The following LUZP1 variants were observed in gnomAD, a reference collection of about 807,000 sequenced individuals.
LUZP1 encodes the protein leucine zipper protein 1.
In LUZP1, 25 loss-of-function variants were observed where a neutral mutation model predicts 71.3. The observed-to-expected ratio is 0.35, with a 90% CI of 0.26 to 0.49. The LOEUF is 0.49. LUZP1 is among the 20% of genes least tolerant of loss of function. LUZP1 has a pLI of 0.99. For missense variants in LUZP1, 1,142 were observed against 1,300.8 expected (o/e 0.88, Z 1.88); for synonymous variants, 481 against 506.4 (o/e 0.95, Z 0.67).
chr1:23,176,797 A>T (rs1259282169), intron 1 of LUZP1, among the ~76,000 whole-genome samples: 1 of 152,194 alleles, frequency 6.6e-6, no homozygotes, highest in Non-Finnish European at 1.5e-5. Context: ...TATTCTCAAG[A>T]GGCTATAGAC....
In LUZP1 at chr1:23,094,324, G is replaced by A. The variant is rs1365766055; in HGVS notation, c.-63C>T. The A allele has an allele frequency of 6.0e-6, 9 of 1,511,600 alleles. No individual in the cohort carries two copies. Among genetic ancestry groups the A allele is most frequent in the Non-Finnish European group, 7.1e-6 (8 of 1,133,786 alleles). The allele number at this position is 1,511,600 out of a possible 1,614,324, so 93.6% of individuals were successfully genotyped here. A position where few individuals can be genotyped will look rare whatever the true frequency, so the allele number is the denominator to read the frequency against. ...AATTCCACTCAAGGGGATGAGAAAT[G>A]GTTACCTTTCTCTTGGCAACCACAA... On this transcript the variant is annotated 5_prime_UTR_variant, in exon 4 of 5. Transcript: ENST00000302291. The surrounding 1 kb of genome is among the most constrained non-coding windows in gnomAD (Gnocchi z 4.7).
intron 3 of LUZP1, among the ~76,000 whole-genome samples, chr1:23,104,562 C>T (rs1043661310): frequency 3.9e-5 from 6 of 152,240 alleles, no homozygotes; most frequent in African/African-American, 1.4e-4. Context: ...AATGCACCAT[C>T]CTAAATTCTG....
At chr1:23,092,514 T>G (rs1643867069) in exon 4 of LUZP1, 1 of 1,614,046 alleles carries the variant, frequency 6.2e-7, no homozygotes, top group Non-Finnish European at 8.5e-7. Flanking sequence ...ATTGGCAGCC[T>G]TTTTGCCTTT....
intron 2 of LUZP1, among the ~76,000 whole-genome samples, chr1:23,114,720 T>G (rs896539438): frequency 2.0e-5 from 3 of 152,192 alleles, no homozygotes; most frequent in African/African-American, 7.2e-5. Flanking sequence ...CTTTTCTGAC[T>G]AAAGCGGGAA....
chr1:23,124,143 G>C (rs958727595), intron 2 of LUZP1, among the ~76,000 whole-genome samples: 13 of 152,180 alleles, frequency 8.5e-5, no homozygotes, highest in African/African-American at 2.9e-4. Flanking sequence ...CTGTGAGCAA[G>C]AGCAAATGGA....
rs36097785 is a variant in LUZP1 at position 23,163,237 on chromosome 1, CAAAAAAAAAAA to C, written c.-226+5518_-226+5528del. On this transcript the variant is annotated intron_variant, in intron 2 of 4. Transcript: ENST00000302291. ...CCTGGGTGACAGGGTGAGACTCTCT[CAAAAAAAAAAA>C]AAAAAAAAAAGCATGTTGGGGCCAG... Among the ~76,000 whole-genome samples, 56 of 45,174 alleles carry C rather than the reference CAAAAAAAAAAA, an allele frequency of 1.2e-3. 2 individuals are homozygous for C. The Admixed American group carries it at 0.013, about 11-fold the overall frequency. The allele number at this position is 45,174 out of a possible 152,430, so 29.6% of individuals were successfully genotyped here.
At chr1:23,112,634 C>T (rs1446170099) in intron 2 of LUZP1, among the ~76,000 whole-genome samples, 2 of 152,194 alleles carry the variant, frequency 1.3e-5, no homozygotes, top group African/African-American at 2.4e-5. Flanking sequence ...CTGAAGTGAA[C>T]AAGGGCTGGC....
At chr1:23,103,878 G>GGGGGGGAA (rs1557641216) in intron 3 of LUZP1, among the ~76,000 whole-genome samples, 2 of 11,144 alleles carry the variant, frequency 1.8e-4, no homozygotes, top group African/African-American at 8.2e-4. Context: ...GAGGGAGGGA[G>GGGGGGGAA]GGAGAGAGGG....
intron 3 of LUZP1, among the ~76,000 whole-genome samples, chr1:23,098,756 G>C (rs1643909880): frequency 6.6e-6 from 1 of 152,180 alleles, no homozygotes; most frequent in African/African-American, 2.4e-5. Flanking sequence ...GCCACCACTG[G>C]AGAGGGAAGA....
At chr1:23,087,997 T>C (rs1241478896) in exon 5 of LUZP1, 3 of 152,686 alleles carry the variant, frequency 2.0e-5, no homozygotes, top group Non-Finnish European at 4.4e-5. Flanking sequence ...GCTTTCCCTC[T>C]TGCTGGGCAC....
chr1:23,090,771 C>G, intron 4 of LUZP1: 1 of 682,640 alleles, frequency 1.5e-6, no homozygotes, highest in South Asian at 1.6e-5. Context: ...GACCTGGCTC[C>G]CCCTCACTGT....
At chr1:23,089,988 G>A (rs1376764360) in intron 4 of LUZP1, among the ~76,000 whole-genome samples, 1 of 152,146 alleles carries the variant, frequency 6.6e-6, no homozygotes, top group African/African-American at 2.4e-5. Context: ...TTGAACTCCT[G>A]ACCTTGTGAT....
rs1175265258 is a variant in LUZP1 at position 23,094,848 on chromosome 1, A to T, written c.-119-468T>A. Among the ~76,000 whole-genome samples the T allele has an allele frequency of 6.6e-6, 1 of 151,480 alleles. No individual in the cohort carries two copies. Among genetic ancestry groups the T allele is most frequent in the African/African-American group, 2.4e-5 (1 of 41,306 alleles). On this transcript the variant is annotated intron_variant, in intron 3 of 4. Transcript: ENST00000302291. The surrounding 1 kb of genome is among the most constrained non-coding windows in gnomAD (Gnocchi z 4.7). ...AAACAATCCTAAGATTTTTTTTTTT[A>T]AAGATTATCTCTTATGAGCTATTGT...
Position 23,094,629 on chromosome 1 carries a change from G to C in LUZP1, c.-119-249C>G, listed in dbSNP as rs1643883310. Among the ~76,000 whole-genome samples the C allele has an allele frequency of 6.6e-6, 1 of 152,130 alleles. No individual in the cohort carries two copies. Among genetic ancestry groups the C allele is most frequent in the South Asian group, 2.1e-4 (1 of 4,822 alleles). ...GGCAGCATGGCAAAAAGACATATAA[G>C]AAGCCTCAATTTTCATGGCAGGGTA... On this transcript the variant is annotated intron_variant, in intron 3 of 4. Transcript: ENST00000302291. The surrounding 1 kb of genome is among the most constrained non-coding windows in gnomAD (Gnocchi z 4.7).
At chr1:23,113,973 T>C (rs961019870) in intron 2 of LUZP1, among the ~76,000 whole-genome samples, 2 of 151,804 alleles carry the variant, frequency 1.3e-5, no homozygotes, top group Non-Finnish European at 2.9e-5. Flanking sequence ...TAAGTGGAAA[T>C]TTTTGAACAG....
chr1:23,167,322 C>T (rs1228572907), intron 2 of LUZP1, among the ~76,000 whole-genome samples: 1 of 152,170 alleles, frequency 6.6e-6, no homozygotes, highest in Non-Finnish European at 1.5e-5. Context: ...AGAACTGCAG[C>T]CGTCTGTAAA....
At chr1:23,099,446 A>C (rs489644) in intron 3 of LUZP1, among the ~76,000 whole-genome samples, 122,450 of 152,260 alleles carry the variant, frequency 0.8, 49,661 homozygotes, top group Non-Finnish European at 0.84. Context: ...CTTCATGATA[A>C]ATAAAGCATA....
chr1:23,106,198 C>T (rs560637768), intron 3 of LUZP1, among the ~76,000 whole-genome samples: 8 of 152,324 alleles, frequency 5.3e-5, no homozygotes, highest in African/African-American at 1.7e-4. Flanking sequence ...TTCTAGGGAT[C>T]ACTGTTCTCA....
intron 2 of LUZP1, among the ~76,000 whole-genome samples, chr1:23,138,713 A>G: frequency 7.0e-6 from 1 of 142,902 alleles, no homozygotes; most frequent in Admixed American, 7.0e-5. Flanking sequence ...ATATATATAT[A>G]TAAATGAGGC....
Sources: allele counts gnomAD v4.1 joint callset (sites outside exome capture counted in the v4.1 genomes callset), GRCh38; gene constraint gnomAD v4.1.1; non-coding constraint Gnocchi (gnomAD v3.1); transcripts MANE v1.5; gene names NCBI Gene and HGNC (gene_info 2026-07-23, HGNC 2026-07-21).